Variants in GSG1L observed in about 807,000 individuals in gnomAD.
GSG1L encodes the protein germ cell-specific gene 1-like protein.
Under a neutral mutation model 42.1 loss-of-function variants are expected in GSG1L, and 24 were observed. That is an observed-to-expected ratio of 0.57 (90% CI 0.41 to 0.80). The LOEUF (loss-of-function observed/expected upper bound fraction) is 0.80. Among genes scored for constraint, GSG1L ranks in the 30% least tolerant of loss-of-function variants. GSG1L has a pLI of 0.00. For missense variants in GSG1L, 445 were observed against 472.2 expected (o/e 0.94, Z 0.53); for synonymous variants, 215 against 203.5 (o/e 1.06, Z -0.48).
chr16:27,978,028 G>A (rs991855984), intron 1 of GSG1L, among the ~76,000 whole-genome samples: 2 of 152,216 alleles, frequency 1.3e-5, no homozygotes, highest in African/African-American at 2.4e-5. Flanking sequence ...CTGGCTGAGC[G>A]AGGATGGATG....
chr16:28,003,509 G>A (rs2085602307), intron 1 of GSG1L, among the ~76,000 whole-genome samples: 1 of 152,180 alleles, frequency 6.6e-6, no homozygotes, highest in Non-Finnish European at 1.5e-5. Context: ...CCAGGACAGA[G>A]GAGCCAATTG....
intron 6 of GSG1L, among the ~76,000 whole-genome samples, chr16:27,803,796 GATAGATAGAT>G (rs1314309873): frequency 2.6e-4 from 19 of 73,832 alleles, no homozygotes; most frequent in African/African-American, 9.7e-4. Context: ...TATATATATA[GATAGATAGAT>G]ATAGATATAG....
chr16:27,856,465 C>A (rs2083579046), intron 3 of GSG1L, among the ~76,000 whole-genome samples: 2 of 152,150 alleles, frequency 1.3e-5, no homozygotes, highest in East Asian at 1.9e-4. Context: ...AAGGTGCTCA[C>A]CACCATGCCC....
chr16:28,013,321 G>T (rs976041390), intron 1 of GSG1L, among the ~76,000 whole-genome samples: 13 of 152,148 alleles, frequency 8.5e-5, no homozygotes, highest in Non-Finnish European at 1.6e-4. Flanking sequence ...GAGTTATACA[G>T]TAGGAGCCAG....
intron 3 of GSG1L, among the ~76,000 whole-genome samples, chr16:27,859,081 G>A (rs1165070157): frequency 6.6e-6 from 1 of 152,032 alleles, no homozygotes; most frequent in Admixed American, 6.6e-5. Context: ...GTGAGAGGTG[G>A]GACTGTTGCT....
chr16:28,015,227 G>A (rs149763667), intron 1 of GSG1L, among the ~76,000 whole-genome samples: 1 of 152,356 alleles, frequency 6.6e-6, no homozygotes, highest in African/African-American at 2.4e-5. Flanking sequence ...GATGGGGCTG[G>A]GCACAGCGGC....
chr16:27,891,991 C>A (rs1301467139), intron 2 of GSG1L, among the ~76,000 whole-genome samples: 1 of 150,560 alleles, frequency 6.6e-6, no homozygotes, highest in Non-Finnish European at 1.5e-5. Context: ...ACCAGCACCA[C>A]CGGACTCACC....
chr16:27,850,648 A>T (rs72782161), intron 3 of GSG1L: 35,817 of 452,496 alleles, frequency 0.079, 1,804 homozygotes, highest in Non-Finnish European at 0.11. Flanking sequence ...GAAGAGGAGG[A>T]GGGTAAATGA....
At chr16:27,838,983 C>T (rs2083349981) in intron 4 of GSG1L, among the ~76,000 whole-genome samples, 1 of 152,196 alleles carries the variant, frequency 6.6e-6, no homozygotes, top group African/African-American at 2.4e-5. Context: ...GCACACACAC[C>T]CTCTCCAGTT....
intron 2 of GSG1L, among the ~76,000 whole-genome samples, chr16:27,890,915 G>A (rs1301180184): frequency 6.6e-6 from 1 of 152,194 alleles, no homozygotes; most frequent in Non-Finnish European, 1.5e-5. Context: ...AGTGGCAGGG[G>A]GCTGTGGAAG....
At chr16:27,861,942 A>C (rs1322282580) in intron 3 of GSG1L, among the ~76,000 whole-genome samples, 1 of 152,174 alleles carries the variant, frequency 6.6e-6, no homozygotes, top group Non-Finnish European at 1.5e-5. Flanking sequence ...AAGCCAAGAG[A>C]AGCCAATGGC....
intron 6 of GSG1L, among the ~76,000 whole-genome samples, chr16:27,798,641 T>C (rs912706380): frequency 2.0e-5 from 3 of 152,102 alleles, no homozygotes; most frequent in Non-Finnish European, 4.4e-5. Context: ...CTAAACCCCA[T>C]GCACCCCAAG....
intron 2 of GSG1L, among the ~76,000 whole-genome samples, chr16:27,960,915 C>T (rs1567535823): frequency 6.6e-6 from 1 of 152,116 alleles, no homozygotes; most frequent in Non-Finnish European, 1.5e-5. Context: ...AGTAAAATCA[C>T]AAGGCCAGTA....
chr16:27,901,626 C>G (rs147808843), intron 2 of GSG1L, among the ~76,000 whole-genome samples: 1 of 152,228 alleles, frequency 6.6e-6, no homozygotes, highest in Non-Finnish European at 1.5e-5. Context: ...TGGGAAGAGG[C>G]TGGGATCTGC....
chr16:27,796,409 A>G (rs1003923422), intron 6 of GSG1L, among the ~76,000 whole-genome samples: 2 of 152,232 alleles, frequency 1.3e-5, no homozygotes, highest in Non-Finnish European at 2.9e-5. Context: ...CTACCATGAG[A>G]GGGCTTCAGA....
chr16:27,942,127 A>T (rs892931798), intron 2 of GSG1L, among the ~76,000 whole-genome samples: 16 of 150,562 alleles, frequency 1.1e-4, no homozygotes, highest in Non-Finnish European at 1.5e-4. Flanking sequence ...TTACCATAAT[A>T]AAAAAAATTA....
intron 1 of GSG1L, among the ~76,000 whole-genome samples, chr16:28,057,589 G>A (rs964600200): frequency 1.5e-4 from 23 of 152,192 alleles, no homozygotes; most frequent in Admixed American, 1.4e-3. Flanking sequence ...AAAGACACTG[G>A]GAACACTGCA....
At chr16:28,056,594 T>C (rs964981244) in intron 1 of GSG1L, among the ~76,000 whole-genome samples, 11 of 151,888 alleles carry the variant, frequency 7.2e-5, no homozygotes, top group Admixed American at 6.6e-4. Context: ...ATTGTGCACA[T>C]GTACCCTAGA....
intron 1 of GSG1L, among the ~76,000 whole-genome samples, chr16:28,030,541 A>T (rs952834645): frequency 1.3e-5 from 2 of 152,208 alleles, no homozygotes; most frequent in African/African-American, 4.8e-5. Flanking sequence ...AGTTGATGTT[A>T]TATGAGCACC....
Sources: allele counts gnomAD v4.1 joint callset (sites outside exome capture counted in the v4.1 genomes callset), GRCh38; gene constraint gnomAD v4.1.1; transcripts MANE v1.5; gene names NCBI Gene and HGNC (gene_info 2026-07-23, HGNC 2026-07-21).